POU6F2: variants seen among roughly 807,000 people sequenced by gnomAD.
POU6F2 encodes POU domain, class 6, transcription factor 2.
POU6F2 carries 31 observed loss-of-function variants against 71.3 expected under a neutral mutation model. That is an observed-to-expected ratio of 0.43 (90% CI 0.33 to 0.59). POU6F2 has a LOEUF of 0.59. Among genes scored for constraint, POU6F2 ranks in the 20% least tolerant of loss-of-function variants. The pLI, the probability that POU6F2 is intolerant of heterozygous loss-of-function variation, is 0.04. For synonymous variants in POU6F2, 347 were observed against 355.7 expected (o/e 0.98, Z 0.27); for missense variants, 783 against 856.8 (o/e 0.91, Z 1.07).
intron 1 of POU6F2, among the ~76,000 whole-genome samples, chr7:38,981,559 T>C (rs1389641922): frequency 6.6e-6 from 1 of 152,200 alleles, no homozygotes; most frequent in South Asian, 2.1e-4. Context: ...ATGAAAATAT[T>C]TATCAAGTAT....
chr7:39,237,046 C>T (rs922889373), intron 4 of POU6F2, among the ~76,000 whole-genome samples: 5 of 152,066 alleles, frequency 3.3e-5, no homozygotes, highest in African/African-American at 7.2e-5. Flanking sequence ...TCTCAGGGGC[C>T]GTCTGGTGCT....
chr7:39,323,111 T>G (rs1461341990), intron 4 of POU6F2, among the ~76,000 whole-genome samples: 1 of 141,916 alleles, frequency 7.0e-6, no homozygotes, highest in Non-Finnish European at 1.5e-5. Flanking sequence ...CAGGAAGATT[T>G]AAAAAAAAAA....
intron 5 of POU6F2, among the ~76,000 whole-genome samples, chr7:39,384,730 T>C (rs1293864563): frequency 2.0e-5 from 3 of 152,206 alleles, no homozygotes; most frequent in Non-Finnish European, 4.4e-5. Context: ...AAGTATCTTT[T>C]CTCTCTTCCG....
In POU6F2 at chr7:39,425,771, C is replaced by G. The variant is rs73127539; in HGVS notation, c.1114-7306C>G. 7.0e-3 allele frequency among the ~76,000 whole-genome samples: 1,059 copies of G among 152,198 alleles called. 6 individuals are homozygous for G. Among genetic ancestry groups the G allele is most frequent in the Non-Finnish European group, 0.012 (840 of 67,976 alleles). On this transcript the variant is annotated intron_variant, in intron 6 of 9. Coordinates refer to ENST00000518318, the MANE Select transcript of POU6F2 (RefSeq NM_001370959.1). ...ATTTCTCCTCTGTTTTTCAAGCATT[C>G]TTAGTTGACAAAGTCCTGATGCTCA...
intron 2 of POU6F2, among the ~76,000 whole-genome samples, chr7:39,180,812 G>C (rs375828397): frequency 1.3e-3 from 194 of 152,170 alleles, no homozygotes; most frequent in African/African-American, 4.2e-3. Flanking sequence ...CTCCCTACCA[G>C]CTGCCCACTG....
intron 1 of POU6F2, among the ~76,000 whole-genome samples, chr7:39,047,176 A>G (rs894992049): frequency 1.1e-4 from 17 of 151,892 alleles, no homozygotes; most frequent in Admixed American, 2.0e-4. Flanking sequence ...GAAATTATTC[A>G]GGTTATTCCA....
intron 2 of POU6F2, among the ~76,000 whole-genome samples, chr7:39,183,343 C>T (rs1314119322): frequency 6.6e-6 from 1 of 152,156 alleles, no homozygotes; most frequent in African/African-American, 2.4e-5. Context: ...CACAGTTCCA[C>T]AGACTACAAA....
At chr7:39,014,104 G>A (rs1267248891) in intron 1 of POU6F2, among the ~76,000 whole-genome samples, 1 of 152,172 alleles carries the variant, frequency 6.6e-6, no homozygotes, top group Non-Finnish European at 1.5e-5. Context: ...ATATGGATGT[G>A]GCGGAAATAT....
chr7:39,125,362 C>A (rs1792120714), intron 2 of POU6F2, among the ~76,000 whole-genome samples: 1 of 151,972 alleles, frequency 6.6e-6, no homozygotes, highest in Non-Finnish European at 1.5e-5. Flanking sequence ...TTGTGGGTCC[C>A]CAGTTATATT....
chr7:39,464,245 C>G lies in POU6F2; in HGVS notation c.1722C>G (p.Ser574Arg). The change falls in exon 10 of 10, where the codon AGC becomes AGG. Residue 574 changes from serine to arginine, a missense_variant. Transcript: ENST00000518318. The surrounding 1 kb of genome is among the most constrained non-coding windows in gnomAD (Gnocchi z 4.1). ...AAGCCCAAGAGAACACTATAGCTAG[C>G]AGTCTGACAGCCAAACTGAACCCTG... ...PQEAQENTIA[S>R]SLTAKLNPGL... The G allele has an allele frequency of 2.5e-6, 4 of 1,614,006 alleles. No homozygotes were observed. The highest frequency in any genetic ancestry group is 1.7e-6 in the Non-Finnish European group (2 of 1,179,884).
intron 6 of POU6F2, among the ~76,000 whole-genome samples, chr7:39,421,726 A>G (rs113244022): frequency 2.3e-3 from 350 of 152,252 alleles, no homozygotes; most frequent in African/African-American, 7.9e-3. Flanking sequence ...CCACTGCTGT[A>G]GCTCTTTTTT....
chr7:39,340,225 T>C (rs1179712939), intron 5 of POU6F2, among the ~76,000 whole-genome samples: 1 of 152,250 alleles, frequency 6.6e-6, no homozygotes, highest in Non-Finnish European at 1.5e-5. Context: ...AGCCCATTTC[T>C]GTTGCCCTCC....
chr7:39,018,626 G>A (rs893333017), intron 1 of POU6F2, among the ~76,000 whole-genome samples: 1 of 152,010 alleles, frequency 6.6e-6, no homozygotes, highest in African/African-American at 2.4e-5. Context: ...GGGATTGTGA[G>A]CCTGTATAAT....
chr7:39,115,484 C>T (rs1426010778), intron 2 of POU6F2, among the ~76,000 whole-genome samples: 1 of 152,180 alleles, frequency 6.6e-6, no homozygotes, highest in Non-Finnish European at 1.5e-5. Flanking sequence ...TCCCTGGGCC[C>T]AGTAGAGCCT....
At chr7:39,227,914 C>T (rs1794502365) in intron 4 of POU6F2, among the ~76,000 whole-genome samples, 1 of 152,134 alleles carries the variant, frequency 6.6e-6, no homozygotes, top group Non-Finnish European at 1.5e-5. Context: ...AGGGTTGAGA[C>T]CACAGCTCTG....
chr7:39,136,079 C>G (rs576257527), intron 2 of POU6F2, among the ~76,000 whole-genome samples: 1 of 152,054 alleles, frequency 6.6e-6, no homozygotes, highest in Non-Finnish European at 1.5e-5. Context: ...TTTTATTGAG[C>G]AATATGAAAG....
intron 4 of POU6F2, among the ~76,000 whole-genome samples, chr7:39,298,546 C>T (rs1784894942): frequency 6.6e-6 from 1 of 152,188 alleles, no homozygotes; most frequent in Non-Finnish European, 1.5e-5. Flanking sequence ...AACACTTTTA[C>T]ACCGTTGGTG....
At chr7:39,296,224 G>A (rs1336014885) in intron 4 of POU6F2, among the ~76,000 whole-genome samples, 1 of 152,112 alleles carries the variant, frequency 6.6e-6, no homozygotes, top group Non-Finnish European at 1.5e-5. Flanking sequence ...GTTATTAGAT[G>A]CTCATTAATT....
At chr7:39,052,969 CA>C (rs1790427185) in intron 1 of POU6F2, among the ~76,000 whole-genome samples, 1 of 152,138 alleles carries the variant, frequency 6.6e-6, no homozygotes, top group African/African-American at 2.4e-5. Context: ...CCCAGATTAG[CA>C]GCATCAGCAT....
Sources: gnomAD v4.1 joint callset for allele counts (sites outside exome capture counted in the v4.1 genomes callset) on GRCh38, gnomAD v4.1.1 for gene constraint, Gnocchi (gnomAD v3.1) non-coding constraint, MANE v1.5 for transcripts, NCBI Gene and HGNC (gene_info 2026-07-23, HGNC 2026-07-21) for gene names.